Variants in DNAH14 observed in about 807,000 individuals in gnomAD.
The protein encoded by DNAH14 is axonemal beta dynein heavy chain 14.
In DNAH14, 478 loss-of-function variants were observed where a neutral mutation model predicts 520.9. That is an observed-to-expected ratio of 0.92 (90% confidence interval 0.85 to 0.99). The LOEUF is 0.99. Among genes scored for constraint, DNAH14 ranks in the 50% least tolerant of loss-of-function variants. The pLI, the probability that DNAH14 is intolerant of heterozygous loss-of-function variation, is 0.00. For missense variants in DNAH14, 4,831 were observed against 5,234.5 expected (o/e 0.92, Z 2.38); for synonymous variants, 1,581 against 1,757.2 (o/e 0.90, Z 2.51).
At position 225,344,050 on chromosome 1, in the gene DNAH14, T is replaced by A. The variant is rs867472193; in HGVS notation, c.10679-1912T>A. Among the ~76,000 whole-genome samples the A allele has an allele frequency of 4.6e-5, 7 of 152,356 alleles. No homozygotes were observed. In the South Asian group the frequency reaches 1.5e-3, roughly 32 times the overall value. On this transcript the variant is annotated intron_variant, in intron 69 of 85. Transcript: ENST00000682510. ...TATGCTTTTATTGTGCCTTTGCTGT[T>A]TATTCTCTACCATTTGTTCCTTGTA...
intron 42 of DNAH14, among the ~76,000 whole-genome samples, chr1:225,236,100 C>G (rs2149600109): frequency 6.6e-6 from 1 of 152,108 alleles, no homozygotes; most frequent in East Asian, 1.9e-4. Flanking sequence ...TCTTGATTCT[C>G]TAGTTCTTTT....
chr1:225,288,511 A>G (rs2149981118), intron 54 of DNAH14, among the ~76,000 whole-genome samples: 1 of 152,296 alleles, frequency 6.6e-6, no homozygotes, highest in South Asian at 2.1e-4. Flanking sequence ...TGGTTCATTA[A>G]TGGTAACAAA....
chr1:225,358,180 G>C (rs532612334), intron 73 of DNAH14, among the ~76,000 whole-genome samples: 1 of 152,256 alleles, frequency 6.6e-6, no homozygotes, highest in East Asian at 1.9e-4. Flanking sequence ...AGAAAACCGA[G>C]GGGAAAAAAT....
rs573642215 is a variant in DNAH14 at position 224,960,664 on chromosome 1, CAAAT to C, written c.367+368_367+371del. On this transcript the variant is annotated intron_variant, in intron 4 of 85. Transcript: ENST00000682510. ...CTTTGCCTGATAGAGTTTAAATCCC[CAAAT>C]AAATAGTTTATTTAAATAGATTTTC... Among the ~76,000 whole-genome samples the C allele has an allele frequency of 1.3e-3, 194 of 152,148 alleles. 2 individuals are homozygous for C. The highest frequency in any genetic ancestry group is 0.01 in the Middle Eastern group (3 of 292).
chr1:225,092,322 T>C (rs1340188610), intron 21 of DNAH14, among the ~76,000 whole-genome samples: 1 of 152,060 alleles, frequency 6.6e-6, no homozygotes, highest in Non-Finnish European at 1.5e-5. Flanking sequence ...AGTTAAATCA[T>C]ACCAACCACA....
intron 49 of DNAH14, among the ~76,000 whole-genome samples, chr1:225,270,158 T>C (rs548159700): frequency 2.6e-4 from 40 of 152,236 alleles, no homozygotes; most frequent in African/African-American, 9.4e-4. Context: ...AAGGATGAGC[T>C]CATGTCCTTT....
chr1:225,264,779 C>T (rs1007835007), intron 47 of DNAH14, among the ~76,000 whole-genome samples: 2 of 152,092 alleles, frequency 1.3e-5, no homozygotes, highest in African/African-American at 2.4e-5. Flanking sequence ...GATGCCACAC[C>T]ACCAAATCTT....
chr1:225,266,539 A>T, intron 48 of DNAH14, 102 bp from the exon 49 acceptor site: 1 of 861,584 alleles, frequency 1.2e-6, no homozygotes, highest in Non-Finnish European at 1.6e-6. Flanking sequence ...TCCATAGCAT[A>T]ATATTCCTAA....
At chr1:225,145,990 T>C (rs1341015098) in intron 30 of DNAH14, among the ~76,000 whole-genome samples, 1 of 152,236 alleles carries the variant, frequency 6.6e-6, no homozygotes. Context: ...ATATTACCTC[T>C]GAGATCCTGC....
chr1:225,072,896 G>A (rs2071719747), intron 17 of DNAH14, among the ~76,000 whole-genome samples: 1 of 151,906 alleles, frequency 6.6e-6, no homozygotes, highest in East Asian at 2.0e-4. Flanking sequence ...TCCCAGGGAG[G>A]TAAGGACCAG....
intron 10 of DNAH14, among the ~76,000 whole-genome samples, chr1:225,013,829 C>T (rs150691307): frequency 1.2e-4 from 19 of 152,254 alleles, no homozygotes; most frequent in East Asian, 7.7e-4. Context: ...CATCCCAGGT[C>T]GACTTCAGAC....
At chr1:225,274,544 G>C (rs2093418852) in intron 52 of DNAH14, among the ~76,000 whole-genome samples, 1 of 152,186 alleles carries the variant, frequency 6.6e-6, no homozygotes, top group Non-Finnish European at 1.5e-5. Context: ...ACTGGTGTTA[G>C]ATGGTATCTA....
At chr1:225,233,964 A>G (rs1172945804) in intron 42 of DNAH14, among the ~76,000 whole-genome samples, 4 of 152,164 alleles carry the variant, frequency 2.6e-5, no homozygotes, top group Non-Finnish European at 5.9e-5. Flanking sequence ...TAATTTTTGT[A>G]TAACGTGTAA....
At chr1:225,013,886 TG>T (rs1322105722) in intron 10 of DNAH14, among the ~76,000 whole-genome samples, 2 of 152,300 alleles carry the variant, frequency 1.3e-5, no homozygotes, top group African/African-American at 4.8e-5. Flanking sequence ...CTTAGCTTGC[TG>T]GGCTCCTTGG....
At chr1:225,388,337 A>G in intron 81 of DNAH14, 42 bp from the exon 82 acceptor site, 6 of 1,302,758 alleles carry the variant, frequency 4.6e-6, no homozygotes, top group Non-Finnish European at 5.4e-6. Flanking sequence ...GACCCCAAAG[A>G]CAAAGAAAAA....
At chr1:225,370,218 G>T (rs1441704109) in intron 77 of DNAH14, among the ~76,000 whole-genome samples, 2 of 152,090 alleles carry the variant, frequency 1.3e-5, no homozygotes, top group African/African-American at 4.8e-5. Context: ...GGAGGTGGAG[G>T]TTGCAGTGAG....
chr1:225,289,842 C>T, intron 54 of DNAH14, 43 bp from the exon 55 acceptor site: 2 of 1,238,994 alleles, frequency 1.6e-6, no homozygotes, highest in Non-Finnish European at 2.1e-6. Context: ...TGAAAGATTC[C>T]CAGAAAATGT....
At chr1:225,350,346 A>G (rs2095347764) in intron 71 of DNAH14, among the ~76,000 whole-genome samples, 1 of 152,108 alleles carries the variant, frequency 6.6e-6, no homozygotes, top group African/African-American at 2.4e-5. Context: ...CTTAAATTTT[A>G]CCTCAAGAAA....
intron 79 of DNAH14, among the ~76,000 whole-genome samples, chr1:225,378,547 G>A (rs1189299533): frequency 6.6e-6 from 1 of 152,158 alleles, no homozygotes; most frequent in African/African-American, 2.4e-5. Flanking sequence ...TACCTTGAAG[G>A]ATAATATTCA....
Sources: allele counts gnomAD v4.1 joint callset (sites outside exome capture counted in the v4.1 genomes callset), GRCh38; gene constraint gnomAD v4.1.1; transcripts MANE v1.5; gene names NCBI Gene and HGNC (gene_info 2026-07-23, HGNC 2026-07-21).